PTPRM: variants seen among roughly 807,000 people sequenced by gnomAD.
The protein encoded by PTPRM is receptor-type tyrosine-protein phosphatase mu.
Under a neutral mutation model 186.7 loss-of-function variants are expected in PTPRM, and 47 were observed. That is an observed-to-expected ratio of 0.25 (90% CI 0.20 to 0.32). The LOEUF (loss-of-function observed/expected upper bound fraction) is 0.32. Ranked by LOEUF, PTPRM falls within the 10% of genes least tolerant of loss-of-function variation. The pLI, the probability that PTPRM is intolerant of heterozygous loss-of-function variation, is 1.00. For synonymous variants in PTPRM, 668 were observed against 674.9 expected, an observed-to-expected ratio of 0.99 and a Z score of 0.16; for missense variants, 1,494 against 1,865.0, an observed-to-expected ratio of 0.80 and a Z score of 3.66.
chr18:8,104,182 T>G (rs1356777623), intron 11 of PTPRM, among the ~76,000 whole-genome samples: 1 of 152,192 alleles, frequency 6.6e-6, no homozygotes, highest in Non-Finnish European at 1.5e-5. Flanking sequence ...CTGACAGACT[T>G]GCTGAAGGGA....
intron 1 of PTPRM, among the ~76,000 whole-genome samples, chr18:7,707,258 C>G (rs1014063054): frequency 1.3e-5 from 2 of 151,944 alleles, no homozygotes; most frequent in East Asian, 3.9e-4. Flanking sequence ...GGATATTTTT[C>G]AAAATGAGTT....
At chr18:8,158,419 A>T (rs1182513161) in intron 14 of PTPRM, among the ~76,000 whole-genome samples, 1 of 152,194 alleles carries the variant, frequency 6.6e-6, no homozygotes, top group Non-Finnish European at 1.5e-5. Flanking sequence ...TCTTGGGATG[A>T]TCGTTTAAAC....
At chr18:7,877,259 CT>C (rs994006113) in intron 2 of PTPRM, among the ~76,000 whole-genome samples, 5 of 152,108 alleles carry the variant, frequency 3.3e-5, no homozygotes, top group Non-Finnish European at 5.9e-5. Context: ...AGATTTTTCA[CT>C]CCACGTTGCA....
intron 7 of PTPRM, among the ~76,000 whole-genome samples, chr18:8,018,285 T>C (rs1472952677): frequency 1.3e-5 from 2 of 152,178 alleles, no homozygotes; most frequent in Non-Finnish European, 2.9e-5. Context: ...ATAGAGTTCA[T>C]ATCTAAACAA....
intron 13 of PTPRM, among the ~76,000 whole-genome samples, chr18:8,134,754 G>A (rs906014985): frequency 6.6e-6 from 1 of 151,396 alleles, no homozygotes; most frequent in African/African-American, 2.4e-5. Flanking sequence ...TCTTTTGTTA[G>A]GCCCTCCTCT....
At chr18:7,912,372 G>A (rs1335231135) in intron 4 of PTPRM, among the ~76,000 whole-genome samples, 1 of 152,118 alleles carries the variant, frequency 6.6e-6, no homozygotes, top group East Asian at 1.9e-4. Flanking sequence ...GTTCTATTCA[G>A]TTGATCTACA....
chr18:8,137,704 A>G (rs1256060599), intron 13 of PTPRM, among the ~76,000 whole-genome samples: 2 of 152,038 alleles, frequency 1.3e-5, no homozygotes, highest in Non-Finnish European at 2.9e-5. Flanking sequence ...CCTGCTCCAG[A>G]CCCTGCCCTT....
At chr18:7,902,534 A>C (rs1408684515) in intron 3 of PTPRM, among the ~76,000 whole-genome samples, 1 of 152,198 alleles carries the variant, frequency 6.6e-6, no homozygotes, top group Non-Finnish European at 1.5e-5. Context: ...GCGTCAGGAA[A>C]GGATCCCATT....
chr18:7,719,486 AACTT>A (rs1477078467), intron 1 of PTPRM, among the ~76,000 whole-genome samples: 2 of 152,166 alleles, frequency 1.3e-5, no homozygotes, highest in African/African-American at 2.4e-5. Flanking sequence ...ACCGCTGAAG[AACTT>A]ACCCATGTAA....
chr18:7,635,514 A>G (rs2038291489), intron 1 of PTPRM, among the ~76,000 whole-genome samples: 1 of 152,224 alleles, frequency 6.6e-6, no homozygotes, highest in Non-Finnish European at 1.5e-5. Context: ...CCTGTCATTT[A>G]TCATATTATT....
Position 8,210,605 on chromosome 18 carries a change from AG to A in PTPRM, c.2301-33451del, listed in dbSNP as rs1255222357. On this transcript the variant is annotated intron_variant, in intron 14 of 32. Transcript: ENST00000580170. ...TTAGGGTACTTTTTACAGCAGCCCT[AG>A]GAAATTAGCACAGAATCCAAGTGGG... is the stretch of plus-strand genomic sequence containing the variant. Among the ~76,000 whole-genome samples the A allele has an allele frequency of 5.3e-5, 8 of 152,300 alleles. No homozygotes were observed. In the East Asian group the frequency reaches 5.8e-4, roughly 11 times the overall value.
intron 14 of PTPRM, among the ~76,000 whole-genome samples, chr18:8,168,072 G>C (rs2093348739): frequency 6.6e-6 from 1 of 152,132 alleles, no homozygotes; most frequent in African/African-American, 2.4e-5. Flanking sequence ...TCTCAACCCT[G>C]GACAATGCTG....
At chr18:7,812,280 G>T (rs2044565320) in intron 2 of PTPRM, among the ~76,000 whole-genome samples, 1 of 152,082 alleles carries the variant, frequency 6.6e-6, no homozygotes, top group South Asian at 2.1e-4. Flanking sequence ...TTAAAAAACC[G>T]GTTTTGATGA....
intron 7 of PTPRM, among the ~76,000 whole-genome samples, chr18:7,983,963 GGTC>G (rs1410014080): frequency 6.6e-6 from 1 of 152,166 alleles, no homozygotes; most frequent in African/African-American, 2.4e-5. Flanking sequence ...ATGTTATCAA[GGTC>G]GGTAGCTGAT....
intron 1 of PTPRM, among the ~76,000 whole-genome samples, chr18:7,700,975 CAAAAA>C (rs1262649146): frequency 3.3e-5 from 2 of 61,008 alleles, no homozygotes; most frequent in Admixed American, 4.1e-4. Flanking sequence ...GAGCCTATCT[CAAAAA>C]AAAAAAAAAA....
intron 1 of PTPRM, among the ~76,000 whole-genome samples, chr18:7,735,356 G>T (rs543004451): frequency 1.2e-4 from 19 of 152,286 alleles, no homozygotes; most frequent in African/African-American, 4.6e-4. Context: ...GAAGGTAGAA[G>T]AAGTTGCAGT....
intron 14 of PTPRM, among the ~76,000 whole-genome samples, chr18:8,204,312 T>G (rs1010506523): frequency 6.6e-6 from 1 of 152,130 alleles, no homozygotes; most frequent in African/African-American, 2.4e-5. Flanking sequence ...TTTATGTGTG[T>G]GTGTTCAGTT....
chr18:8,359,137 G>A (rs983101453), intron 23 of PTPRM, among the ~76,000 whole-genome samples: 4 of 152,092 alleles, frequency 2.6e-5, no homozygotes, highest in African/African-American at 4.8e-5. Flanking sequence ...CTCAAATATC[G>A]ATGAAATACA....
chr18:7,917,034 A>G (rs2050600754), intron 4 of PTPRM, among the ~76,000 whole-genome samples: 2 of 152,146 alleles, frequency 1.3e-5, no homozygotes, highest in South Asian at 4.1e-4. Flanking sequence ...AGAATGTGGT[A>G]TTTGTCCTTC....
Sources: allele counts gnomAD v4.1 joint callset (sites outside exome capture counted in the v4.1 genomes callset), GRCh38; gene constraint gnomAD v4.1.1; transcripts MANE v1.5; gene names NCBI Gene and HGNC (gene_info 2026-07-23, HGNC 2026-07-21).